SNX18: variants seen among roughly 807,000 people sequenced by gnomAD.
The protein encoded by SNX18 is sorting nexin 18, also known as sorting nexin-18.
A neutral mutation model predicts 48.7 loss-of-function variants in SNX18; 35 were observed. The ratio of observed to expected loss-of-function variants is 0.72; its 90% CI spans 0.55 to 0.95. The LOEUF (loss-of-function observed/expected upper bound fraction) is 0.95. SNX18 is among the 40% of genes least tolerant of loss of function. The pLI, the probability that SNX18 is intolerant of heterozygous loss-of-function variation, is 0.00. For synonymous variants in SNX18, 492 were observed against 384.7 expected (o/e 1.28, Z -3.26); for missense variants, 824 against 871.0 (o/e 0.95, Z 0.68).
chr5:54,565,480 G>A, the SNX18 span, among the ~76,000 whole-genome samples: 5 of 152,080 alleles, frequency 3.3e-5, no homozygotes, highest in African/African-American at 4.8e-5. Flanking sequence ...GGTTGAGGTG[G>A]GAGGACCACT....
chr5:54,526,576 T>A (rs1246036194), intron 1 of SNX18, among the ~76,000 whole-genome samples: 2 of 152,180 alleles, frequency 1.3e-5, no homozygotes, highest in Non-Finnish European at 2.9e-5. Flanking sequence ...GAAGGGGAGA[T>A]AAAATCATTA....
the SNX18 span, among the ~76,000 whole-genome samples, chr5:54,606,563 G>A: frequency 1.0e-3 from 152 of 152,184 alleles, 1 homozygote; most frequent in South Asian, 5.0e-3. Flanking sequence ...CTTGCTCTTC[G>A]TCCCACCCCA....
At chr5:54,577,851 A>G in the SNX18 span, among the ~76,000 whole-genome samples, 1 of 152,188 alleles carries the variant, frequency 6.6e-6, no homozygotes, top group East Asian at 1.9e-4. Flanking sequence ...AGTGGCTATA[A>G]CACCACATGG....
the SNX18 span, among the ~76,000 whole-genome samples, chr5:54,562,478 C>G: frequency 3.3e-5 from 5 of 152,066 alleles, no homozygotes; most frequent in African/African-American, 4.8e-5. Context: ...AACAGCAGGC[C>G]CCATGTAGGT....
the SNX18 span, among the ~76,000 whole-genome samples, chr5:54,605,028 G>A: frequency 0.21 from 31,192 of 152,086 alleles, 3,797 homozygotes; most frequent in Non-Finnish European, 0.27. Flanking sequence ...GGAACAGAAA[G>A]GAGACCCTCT....
chr5:54,555,697 C>A, the SNX18 span, among the ~76,000 whole-genome samples: 1 of 151,886 alleles, frequency 6.6e-6, no homozygotes, highest in Non-Finnish European at 1.5e-5. Context: ...CATTGTGGCA[C>A]ATGCCCGTAG....
chr5:54,549,682 A>G (rs1762623887), downstream of SNX18, among the ~76,000 whole-genome samples: 1 of 152,232 alleles, frequency 6.6e-6, no homozygotes, highest in Non-Finnish European at 1.5e-5. Flanking sequence ...CCAAATTAAT[A>G]GTGGTTTTAT....
chr5:54,551,220 A>G (rs1257927193), downstream of SNX18, among the ~76,000 whole-genome samples: 2 of 152,226 alleles, frequency 1.3e-5, no homozygotes, highest in Non-Finnish European at 2.9e-5. Context: ...TGATCAAGTC[A>G]ATGTTCATTG....
chr5:54,556,110 C>T, the SNX18 span, among the ~76,000 whole-genome samples: 2 of 152,054 alleles, frequency 1.3e-5, no homozygotes, highest in African/African-American at 4.8e-5. Flanking sequence ...TTTTATCAGC[C>T]TCTTATTAGT....
intron 1 of SNX18, among the ~76,000 whole-genome samples, chr5:54,526,208 G>A (rs182045989): frequency 3.3e-5 from 5 of 152,296 alleles, no homozygotes; most frequent in Admixed American, 1.3e-4. Flanking sequence ...GAGTTCAAAT[G>A]ATTCTCCTGC....
chr5:54,553,025 G>A, the SNX18 span, among the ~76,000 whole-genome samples: 1 of 147,562 alleles, frequency 6.8e-6, no homozygotes. Flanking sequence ...CGAGGCAGGA[G>A]CACAGCCGGG....
chr5:54,612,800 G>A, the SNX18 span, among the ~76,000 whole-genome samples: 1 of 152,110 alleles, frequency 6.6e-6, no homozygotes, highest in Non-Finnish European at 1.5e-5. Context: ...TCTGACTCAG[G>A]AGACAGTGAC....
At chr5:54,625,616 G>T in the SNX18 span, among the ~76,000 whole-genome samples, 1 of 152,122 alleles carries the variant, frequency 6.6e-6, no homozygotes, top group South Asian at 2.1e-4. Context: ...TGCTTTTGCT[G>T]TATTCTATTT....
At chr5:54,569,907 G>C in the SNX18 span, among the ~76,000 whole-genome samples, 1 of 152,230 alleles carries the variant, frequency 6.6e-6, no homozygotes, top group South Asian at 2.1e-4. Flanking sequence ...GAGTACCAAA[G>C]GACTTTCAAC....
At chr5:54,596,222 C>T in the SNX18 span, among the ~76,000 whole-genome samples, 7 of 51,490 alleles carry the variant, frequency 1.4e-4, no homozygotes, top group East Asian at 5.3e-4. Flanking sequence ...TAGAGTATAA[C>T]GCTTTTCTTA....
chr5:54,627,879 T>G, the SNX18 span, among the ~76,000 whole-genome samples: 1 of 152,188 alleles, frequency 6.6e-6, no homozygotes, highest in Non-Finnish European at 1.5e-5. Flanking sequence ...TAAACACCCA[T>G]TGGCTATTTG....
chr5:54,531,733 GGAGT>G (rs1160074640), intron 1 of SNX18, among the ~76,000 whole-genome samples: 1 of 152,204 alleles, frequency 6.6e-6, no homozygotes, highest in Non-Finnish European at 1.5e-5. Context: ...GAAAACCACA[GGAGT>G]GAGGCGTGTC....
chr5:54,575,551 T>C, the SNX18 span, among the ~76,000 whole-genome samples: 1 of 151,952 alleles, frequency 6.6e-6, no homozygotes, highest in Admixed American at 6.5e-5. Flanking sequence ...TTTGTATTTT[T>C]AGTAGAGACG....
chr5:54,613,851 AC>A, the SNX18 span, among the ~76,000 whole-genome samples: 16 of 152,132 alleles, frequency 1.1e-4, no homozygotes, highest in Non-Finnish European at 5.9e-5. Flanking sequence ...GGCATGTGCC[AC>A]CATGCCCTAA....
Sources: gnomAD v4.1 joint callset for allele counts (sites outside exome capture counted in the v4.1 genomes callset) on GRCh38, gnomAD v4.1.1 for gene constraint, MANE v1.5 for transcripts, NCBI Gene and HGNC (gene_info 2026-07-23, HGNC 2026-07-21) for gene names.